MSI2: variants seen among roughly 807,000 people sequenced by gnomAD.
MSI2 encodes RNA-binding protein Musashi homolog 2.
A neutral mutation model predicts 45.6 loss-of-function variants in MSI2; 17 were observed. The ratio of observed to expected loss-of-function variants is 0.37; its 90% CI spans 0.26 to 0.56. The LOEUF (loss-of-function observed/expected upper bound fraction) is 0.56, where lower values mean the gene tolerates loss of function less well. Ranked by LOEUF, MSI2 falls within the 20% of genes least tolerant of loss-of-function variation. The pLI, the probability that MSI2 is intolerant of heterozygous loss-of-function variation, is 0.77. For synonymous variants in MSI2, 156 were observed against 158.2 expected (o/e 0.99, Z 0.11); for missense variants, 293 against 444.2 (o/e 0.66, Z 3.06).
At chr17:57,340,214 G>A (rs1029096673) in intron 5 of MSI2, among the ~76,000 whole-genome samples, 2 of 152,164 alleles carry the variant, frequency 1.3e-5, no homozygotes, top group African/African-American at 2.4e-5. Context: ...CAGATCCATG[G>A]AGCTAGTAAG....
At chr17:57,394,050 C>A (rs549228069) in intron 5 of MSI2, among the ~76,000 whole-genome samples, 2 of 152,170 alleles carry the variant, frequency 1.3e-5, no homozygotes, top group Non-Finnish European at 2.9e-5. Flanking sequence ...TGTGGAGTTG[C>A]CAGACTGTTC....
In MSI2 at chr17:57,583,488, C is replaced by CTTTTTT. The variant is rs5821192; in HGVS notation, c.455-13366_455-13361dup. On this transcript the variant is annotated intron_variant, in intron 7 of 13. Transcript: ENST00000284073. ...TACTTTTTTCCTTCTCCCAATGTTTCTTTTTTTTTTTTTTTTTTTGAGACA... is the reference window on the plus strand; with the variant it reads ...TACTTTTTTCCTTCTCCCAATGTTTCTTTTTTTTTTTTTTTTTTTTTTTTTGAGACA... Among the ~76,000 whole-genome samples the CTTTTTT allele has an allele frequency of 9.8e-3, 961 of 97,946 alleles. 23 individuals are homozygous for CTTTTTT. Among genetic ancestry groups the CTTTTTT allele is most frequent in the Admixed American group, 0.033 (310 of 9,476 alleles). The allele number at this position is 97,946 out of a possible 152,430, so 64.3% of individuals were successfully genotyped here.
rs574237181 is a variant in MSI2, at chr17:57,595,523, G to A, written c.455-1345G>A. 8.5e-5 allele frequency among the ~76,000 whole-genome samples: 13 copies of A among 152,212 alleles called. 1 individual carries two copies. In the East Asian group the frequency reaches 2.5e-3, roughly 29 times the overall value. ...GGTGCCAGCATGGTCATTTCTGGGAGGGCCCCCCTTCCTGTGTACAGACAG... is the reference window on the plus strand; with the variant it reads ...GGTGCCAGCATGGTCATTTCTGGGAAGGCCCCCCTTCCTGTGTACAGACAG... On this transcript the variant is annotated intron_variant, in intron 7 of 13. Transcript: ENST00000284073.
At chr17:57,642,112 TG>T (rs1453353350) in intron 10 of MSI2, among the ~76,000 whole-genome samples, 1 of 152,214 alleles carries the variant, frequency 6.6e-6, no homozygotes, top group Non-Finnish European at 1.5e-5. Context: ...CCAGGGCCTC[TG>T]AAGTCAGGGA....
intron 6 of MSI2, among the ~76,000 whole-genome samples, chr17:57,434,812 G>A (rs1444969016): frequency 1.3e-5 from 2 of 151,842 alleles, no homozygotes; most frequent in South Asian, 2.1e-4. Context: ...CCATCGATGG[G>A]CACTTAATTT....
At chr17:57,276,624 G>A (rs973538714) in intron 5 of MSI2, among the ~76,000 whole-genome samples, 1 of 152,228 alleles carries the variant, frequency 6.6e-6, no homozygotes, top group African/African-American at 2.4e-5. Context: ...AGACCAGAGT[G>A]CCTGGGTGGG....
intron 7 of MSI2, among the ~76,000 whole-genome samples, chr17:57,531,092 G>A (rs1052322187): frequency 3.9e-5 from 6 of 152,094 alleles, no homozygotes; most frequent in Non-Finnish European, 8.8e-5. Flanking sequence ...TGAGATGAAG[G>A]TGGTGCCCGT....
chr17:57,365,369 AT>A (rs1397766747), intron 5 of MSI2, among the ~76,000 whole-genome samples: 4 of 152,220 alleles, frequency 2.6e-5, no homozygotes, highest in Non-Finnish European at 5.9e-5. Context: ...ACCAACAAAT[AT>A]GCATTAGGTA....
chr17:57,378,542 G>C (rs973912940), intron 5 of MSI2, among the ~76,000 whole-genome samples: 1 of 152,182 alleles, frequency 6.6e-6, no homozygotes, highest in African/African-American at 2.4e-5. Flanking sequence ...GATTACAGGC[G>C]TTAGCCACTG....
intron 6 of MSI2, among the ~76,000 whole-genome samples, chr17:57,503,467 C>T (rs1015949950): frequency 1.3e-5 from 2 of 152,192 alleles, no homozygotes; most frequent in African/African-American, 4.8e-5. Context: ...GTATATATGA[C>T]ACATGTATTA....
intron 5 of MSI2, among the ~76,000 whole-genome samples, chr17:57,371,127 G>C (rs769307926): frequency 6.6e-6 from 1 of 151,782 alleles, no homozygotes; most frequent in Non-Finnish European, 1.5e-5. Context: ...TTTCAGCCCC[G>C]TAAAATAGAT....
the MSI2 span, among the ~76,000 whole-genome samples, chr17:57,700,631 G>A: frequency 1.2e-4 from 18 of 152,252 alleles, no homozygotes; most frequent in South Asian, 4.2e-4. Flanking sequence ...GGCCGGGCGC[G>A]GTTGCTCATG....
intron 7 of MSI2, among the ~76,000 whole-genome samples, chr17:57,536,684 A>G (rs1210677632): frequency 6.6e-6 from 1 of 152,218 alleles, no homozygotes; most frequent in Non-Finnish European, 1.5e-5. Context: ...CACTATTGGT[A>G]TTGATCCTAA....
rs568099106 is a variant in MSI2, at chr17:57,683,013, G to C, written c.*3496G>C. The C allele has an allele frequency of 1.7e-5, 4 of 229,616 alleles. No homozygotes were observed. The highest frequency in any genetic ancestry group is 8.9e-5 in the African/African-American group (4 of 45,030). The allele number at this position is 229,616 out of a possible 1,614,324, so 14.2% of individuals were successfully genotyped here. On this transcript the variant is annotated 3_prime_UTR_variant, in exon 14 of 14. Coordinates refer to ENST00000284073, the MANE Select transcript of MSI2 (RefSeq NM_138962.4). The surrounding 1 kb of genome is among the most constrained non-coding windows in gnomAD (Gnocchi z 5.2). ...ATCCACTGGGAACAAACAGCCTCGC[G>C]CTCTATACCAAACAGCCTCGCGCTC...
chr17:57,640,200 T>C (rs1057219243), intron 10 of MSI2, among the ~76,000 whole-genome samples: 4 of 152,174 alleles, frequency 2.6e-5, no homozygotes, highest in East Asian at 1.9e-4. Flanking sequence ...AGGCTCCGCA[T>C]TCATGCCTGT....
At chr17:57,293,661 T>G (rs1220225857) in intron 5 of MSI2, among the ~76,000 whole-genome samples, 1 of 149,214 alleles carries the variant, frequency 6.7e-6, no homozygotes, top group Non-Finnish European at 1.5e-5. Context: ...CAGGCTGGAG[T>G]GCAATGGCGC....
At chr17:57,575,858 T>G (rs1183404541) in intron 7 of MSI2, among the ~76,000 whole-genome samples, 1 of 141,316 alleles carries the variant, frequency 7.1e-6, no homozygotes, top group Non-Finnish European at 1.5e-5. Context: ...GGCAGGAGAA[T>G]GGCGTGAATC....
chr17:57,378,202 A>C (rs1009011939), intron 5 of MSI2, among the ~76,000 whole-genome samples: 1 of 152,104 alleles, frequency 6.6e-6, no homozygotes, highest in African/African-American at 2.4e-5. Context: ...CTGTAGCCTC[A>C]GCCTCCTGAG....
intron 6 of MSI2, among the ~76,000 whole-genome samples, chr17:57,520,809 A>G (rs2086567645): frequency 8.0e-6 from 1 of 125,074 alleles, no homozygotes; most frequent in Non-Finnish European, 1.7e-5. Flanking sequence ...GTGCACCACG[A>G]CACCCAACTA....
Sources: gnomAD v4.1 joint callset for allele counts (sites outside exome capture counted in the v4.1 genomes callset) on GRCh38, gnomAD v4.1.1 for gene constraint, Gnocchi (gnomAD v3.1) non-coding constraint, MANE v1.5 for transcripts, NCBI Gene and HGNC (gene_info 2026-07-23, HGNC 2026-07-21) for gene names.